Variants in RHOBTB1 observed in about 807,000 individuals in gnomAD.
RHOBTB1 encodes the protein rho-related BTB domain-containing protein 1.
RHOBTB1 carries 40 observed loss-of-function variants against 71.6 expected under a neutral mutation model. The observed-to-expected ratio is 0.56, with a 90% CI of 0.43 to 0.73. RHOBTB1 has a LOEUF of 0.73. Ranked by LOEUF, RHOBTB1 falls within the 30% of genes least tolerant of loss-of-function variation. The pLI, the probability that RHOBTB1 is intolerant of heterozygous loss-of-function variation, is 0.00. For missense variants in RHOBTB1, 797 were observed against 894.0 expected (o/e 0.89, Z 1.38); for synonymous variants, 319 against 334.9 (o/e 0.95, Z 0.52).
downstream of RHOBTB1, among the ~76,000 whole-genome samples, chr10:60,866,882 G>A (rs926423381): frequency 6.6e-6 from 1 of 152,104 alleles, no homozygotes; most frequent in Non-Finnish European, 1.5e-5. Context: ...GCATTTGGTT[G>A]AAGAGATTGG....
intron 4 of RHOBTB1, among the ~76,000 whole-genome samples, chr10:60,897,836 A>T (rs1422020651): frequency 6.6e-6 from 1 of 152,036 alleles, no homozygotes; most frequent in Non-Finnish European, 1.5e-5. Flanking sequence ...CCTCCCGAGT[A>T]GCTGGGATTA....
the RHOBTB1 span, among the ~76,000 whole-genome samples, chr10:60,861,954 G>T: frequency 7.2e-5 from 11 of 152,102 alleles, no homozygotes; most frequent in African/African-American, 2.7e-4. Flanking sequence ...CAGCTGGCAG[G>T]GTTGCTTAGA....
intron 2 of RHOBTB1, among the ~76,000 whole-genome samples, chr10:60,976,953 C>T (rs1316885095): frequency 6.6e-6 from 1 of 151,934 alleles, no homozygotes; most frequent in Non-Finnish European, 1.5e-5. Flanking sequence ...GAAACTTTTG[C>T]ATGTGGAATT....
intron 1 of RHOBTB1, among the ~76,000 whole-genome samples, chr10:60,988,987 T>G (rs2086766143): frequency 6.6e-6 from 1 of 152,250 alleles, no homozygotes; most frequent in South Asian, 2.1e-4. Flanking sequence ...AAACCTTGCT[T>G]TATTCACATT....
At chr10:60,973,855 C>T (rs1373589115) in intron 2 of RHOBTB1, among the ~76,000 whole-genome samples, 2 of 152,024 alleles carry the variant, frequency 1.3e-5, no homozygotes, top group Non-Finnish European at 2.9e-5. Flanking sequence ...CTGAAATGAG[C>T]TCCCGATGTA....
intron 4 of RHOBTB1, among the ~76,000 whole-genome samples, chr10:60,908,213 G>C (rs995331268): frequency 1.3e-5 from 2 of 152,206 alleles, no homozygotes; most frequent in African/African-American, 4.8e-5. Flanking sequence ...CCATGCCAAA[G>C]AATGTTTGAG....
At chr10:60,919,840 G>A (rs1463849961) in intron 2 of RHOBTB1, among the ~76,000 whole-genome samples, 3 of 152,162 alleles carry the variant, frequency 2.0e-5, no homozygotes, top group African/African-American at 7.2e-5. Flanking sequence ...ATCAGTGGGG[G>A]AGATGAACCA....
intron 4 of RHOBTB1, among the ~76,000 whole-genome samples, chr10:60,901,182 T>C (rs1457019211): frequency 6.6e-6 from 1 of 152,180 alleles, no homozygotes. Flanking sequence ...ACTAATGTGA[T>C]TTCTGTGTCT....
chr10:60,908,649 C>T (rs1396054690), intron 4 of RHOBTB1, among the ~76,000 whole-genome samples: 1 of 152,228 alleles, frequency 6.6e-6, no homozygotes, highest in Non-Finnish European at 1.5e-5. Flanking sequence ...AAAACTCCTA[C>T]TTCTCTCAGT....
intron 3 of RHOBTB1, among the ~76,000 whole-genome samples, 178 bp from the exon 4 acceptor site, chr10:60,911,168 C>G (rs2082949691): frequency 6.6e-6 from 1 of 152,214 alleles, no homozygotes. Flanking sequence ...TCTCAACCCT[C>G]ATTCAGGATA....
At chr10:60,967,904 C>T (rs1357139451) in intron 2 of RHOBTB1, among the ~76,000 whole-genome samples, 2 of 152,010 alleles carry the variant, frequency 1.3e-5, no homozygotes, top group Non-Finnish European at 1.5e-5. Flanking sequence ...CCTGTTCTGG[C>T]TTAAATTTAC....
chr10:60,912,476 C>T (rs992711446), intron 2 of RHOBTB1, among the ~76,000 whole-genome samples: 1 of 152,108 alleles, frequency 6.6e-6, no homozygotes, highest in Non-Finnish European at 1.5e-5. Context: ...CAAGTGATCT[C>T]CCCACCTTGG....
Position 60,888,653 on chromosome 10 carries a change from T to G in RHOBTB1, c.1015A>C (p.Arg339=). Residue 339 remains arginine, a synonymous_variant, in exon 6 of 11, where the codon AGG becomes CGG. Coordinates refer to ENST00000337910, the MANE Select transcript of RHOBTB1 (RefSeq NM_014836.5). ...PEEEREEGPP[R]IPQADQWKSS... ...TTCCACTGGTCGGCCTGAGGAATCC[T>G]AGGCGGGCCCTCCTCCCTTTCTTCC... 6.2e-7 allele frequency: 1 copy of G among 1,614,214 alleles called. No homozygotes were observed. The highest frequency in any genetic ancestry group is 8.5e-7 in the Non-Finnish European group (1 of 1,180,042).
chr10:60,952,399 T>C (rs1400902858), intron 2 of RHOBTB1, among the ~76,000 whole-genome samples: 3 of 152,204 alleles, frequency 2.0e-5, no homozygotes, highest in Admixed American at 2.0e-4. Context: ...AATTAGCACT[T>C]AGTAAGTACC....
At chr10:60,930,752 T>A (rs890929035) in intron 2 of RHOBTB1, among the ~76,000 whole-genome samples, 2 of 152,182 alleles carry the variant, frequency 1.3e-5, no homozygotes, top group Non-Finnish European at 2.9e-5. Flanking sequence ...TCATGGCAAC[T>A]GCTCAAATCT....
At chr10:60,949,622 T>C (rs2085344725) in intron 2 of RHOBTB1, among the ~76,000 whole-genome samples, 1 of 151,090 alleles carries the variant, frequency 6.6e-6, no homozygotes, top group Admixed American at 6.6e-5. Context: ...AGGTTTGCAG[T>C]CCAGTTATGA....
At chr10:60,920,233 G>A (rs1350414303) in intron 2 of RHOBTB1, among the ~76,000 whole-genome samples, 1 of 152,158 alleles carries the variant, frequency 6.6e-6, no homozygotes, top group Non-Finnish European at 1.5e-5. Flanking sequence ...TGAAAAGCAA[G>A]CCAGCGGTGG....
At chr10:60,979,591 C>G (rs940351808) in intron 2 of RHOBTB1, among the ~76,000 whole-genome samples, 9 of 152,164 alleles carry the variant, frequency 5.9e-5, no homozygotes, top group African/African-American at 1.4e-4. Context: ...TTAACCAATA[C>G]CAGGCACTGG....
At chr10:60,958,382 G>C (rs2085665840) in intron 2 of RHOBTB1, among the ~76,000 whole-genome samples, 2 of 152,064 alleles carry the variant, frequency 1.3e-5, no homozygotes, top group Non-Finnish European at 2.9e-5. Flanking sequence ...GTTTTTAAGA[G>C]GTTTGGGATC....
Sources: allele counts gnomAD v4.1 joint callset (sites outside exome capture counted in the v4.1 genomes callset), GRCh38; gene constraint gnomAD v4.1.1; transcripts MANE v1.5; gene names NCBI Gene and HGNC (gene_info 2026-07-23, HGNC 2026-07-21).